Variants in GOLGA3 observed in about 807,000 individuals in gnomAD.
GOLGA3 encodes golgin subfamily A member 3.
In GOLGA3, 75 loss-of-function variants were observed where a neutral mutation model predicts 169.4. The ratio of observed to expected loss-of-function variants is 0.44; its 90% CI spans 0.37 to 0.54. GOLGA3 has a LOEUF of 0.54. Ranked by LOEUF, GOLGA3 falls within the 20% of genes least tolerant of loss-of-function variation. The pLI, the probability that GOLGA3 is intolerant of heterozygous loss-of-function variation, is 0.00. For synonymous variants in GOLGA3, 824 were observed against 822.4 expected (o/e 1.00, Z -0.03); for missense variants, 1,899 against 1,930.0 (o/e 0.98, Z 0.30).
At chr12:132,790,189 T>C (rs1222496044) in intron 12 of GOLGA3, among the ~76,000 whole-genome samples, 1 of 149,842 alleles carries the variant, frequency 6.7e-6, no homozygotes, top group Non-Finnish European at 1.5e-5. Flanking sequence ...AAAAAATTAG[T>C]CGGGCGTGGT....
intron 1 of GOLGA3, among the ~76,000 whole-genome samples, chr12:132,823,211 T>C (rs923993430): frequency 2.6e-5 from 4 of 152,244 alleles, no homozygotes; most frequent in Non-Finnish European, 5.9e-5. Context: ...TCTCTCAGCC[T>C]GCCCTGCCGG....
chr12:132,799,960 T>G (rs999659214), intron 8 of GOLGA3, among the ~76,000 whole-genome samples: 1 of 152,126 alleles, frequency 6.6e-6, no homozygotes, highest in Non-Finnish European at 1.5e-5. Context: ...AGGCTGGTCT[T>G]GAACTCCTGG....
At chr12:132,774,830 G>A (rs1046630962) in intron 22 of GOLGA3, 12 of 484,596 alleles carry the variant, frequency 2.5e-5, no homozygotes, top group Non-Finnish European at 3.2e-5. Context: ...CCTGGGCACA[G>A]CTCCCGGGCC....
intron 16 of GOLGA3, among the ~76,000 whole-genome samples, chr12:132,783,508 T>G (rs12422508): frequency 1.8e-4 from 22 of 121,724 alleles, no homozygotes; most frequent in African/African-American, 3.5e-4. Flanking sequence ...GGCTGGGGAG[T>G]GGGGGGCGCC....
chr12:132,777,188 G>A lies in GOLGA3; in HGVS notation c.3723-98C>T. 1 of 1,347,936 alleles carries A rather than the reference G, an allele frequency of 7.4e-7. No individual in the cohort carries two copies. Among genetic ancestry groups the A allele is most frequent in the South Asian group, 1.4e-5 (1 of 71,806 alleles). 83.5% of individuals were successfully genotyped at this position (1,347,936 alleles called of 1,614,324 possible). ...GCTGCCTGTGGAAGGCGTTCGTCCT[G>A]GCAGGCCCTCTGCTGTGCACTGCGT... is the stretch of plus-strand genomic sequence containing the variant. On this transcript the variant is annotated intron_variant, in intron 19 of 23. Coordinates refer to ENST00000450791, the MANE Select transcript of GOLGA3 (RefSeq NM_001389683.1). This position sits in a 1 kb window ranked among gnomAD's most constrained non-coding sequence, Gnocchi z 4.7.
intron 21 of GOLGA3, among the ~76,000 whole-genome samples, chr12:132,776,415 C>A (rs2045245281): frequency 7.1e-6 from 1 of 140,166 alleles, no homozygotes; most frequent in African/African-American, 2.8e-5. Flanking sequence ...GCTGCTGTAG[C>A]CCCTCCAGCT....
intron 13 of GOLGA3, among the ~76,000 whole-genome samples, chr12:132,788,699 C>G (rs1285827801): frequency 1.3e-5 from 2 of 152,216 alleles, no homozygotes; most frequent in Non-Finnish European, 2.9e-5. Context: ...GCTGTCCTCT[C>G]ACATGCTAGA....
At chr12:132,824,623 G>A (rs535339341) in intron 1 of GOLGA3, among the ~76,000 whole-genome samples, 3 of 152,282 alleles carry the variant, frequency 2.0e-5, no homozygotes, top group Admixed American at 6.5e-5. Context: ...AGAAGTGAAG[G>A]AAGTTACCAA....
At chr12:132,801,615 C>G in intron 8 of GOLGA3, 152 bp downstream of exon 8, 1 of 742,720 alleles carries the variant, frequency 1.3e-6, no homozygotes, top group Non-Finnish European at 2.3e-6. Flanking sequence ...GCATACGACA[C>G]GTCCTACATG....
chr12:132,797,534 G>C (rs936997801), intron 9 of GOLGA3, among the ~76,000 whole-genome samples: 4 of 152,140 alleles, frequency 2.6e-5, no homozygotes, highest in African/African-American at 2.4e-5. Context: ...AACATGGCGA[G>C]ACCCCGTCTC....
At chr12:132,811,476 A>AT (rs202026810) in intron 4 of GOLGA3, among the ~76,000 whole-genome samples, 3,798 of 150,966 alleles carry the variant, frequency 0.025, 131 homozygotes, top group Admixed American at 0.097. Flanking sequence ...TCATACTTGC[A>AT]TTTTTATTTT....
chr12:132,826,478 C>T (rs1364535992), intron 1 of GOLGA3, among the ~76,000 whole-genome samples: 1 of 152,000 alleles, frequency 6.6e-6, no homozygotes, highest in Non-Finnish European at 1.5e-5. Flanking sequence ...CAGGTTCCAC[C>T]GAGAGGGCAC....
Position 132,804,840 on chromosome 12 carries a change from C to T in GOLGA3, c.1473G>A (p.Leu491=), listed in dbSNP as rs2291257. 954 of 1,614,178 alleles carry T rather than the reference C, an allele frequency of 5.9e-4. 19 individuals are homozygous for T. The East Asian group carries it at 0.021, about 36-fold the overall frequency. The part of the protein sequence containing the change: ...ERAMTDLQNM[L]EAKNASLASS... ...ACGCCAGGCTGGCATTTTTTGCCTC[C>T]AGCATGTTCTGCAGGTCAGTCATGG... Residue 491 remains leucine, a synonymous_variant, in exon 7 of 24, where the codon CTG becomes CTA. Transcript: ENST00000450791. This position sits in a 1 kb window ranked among gnomAD's most constrained non-coding sequence, Gnocchi z 4.1.
chr12:132,821,121 AAAT>A (rs1950190177), intron 2 of GOLGA3, among the ~76,000 whole-genome samples: 1 of 150,638 alleles, frequency 6.6e-6, no homozygotes, highest in African/African-American at 2.4e-5. Context: ...AAAAAAAAAA[AAAT>A]GGCTGGGCGC....
Position 132,789,104 on chromosome 12 carries a change from G to C in GOLGA3, c.2734C>G (p.Arg912Gly). 5.0e-6 allele frequency: 8 copies of C among 1,613,214 alleles called. No individual in the cohort carries two copies. Among genetic ancestry groups the C allele is most frequent in the African/African-American group, 1.3e-5 (1 of 75,038 alleles). ...SRLHREVAQV[R>G]QHMADLEGHL... ...CCTTCAAGGTCCGCCATGTGCTGACGGACCTGGGCCACCTCTCTGTGCAGG... is the reference window on the plus strand; with the variant it reads ...CCTTCAAGGTCCGCCATGTGCTGACCGACCTGGGCCACCTCTCTGTGCAGG... The change falls in exon 13 of 24, where the codon CGT becomes GGT. Residue 912 changes from arginine (R) to glycine (G), a missense_variant. Transcript: ENST00000450791.
At chr12:132,805,787 G>T (rs1262043534) in intron 6 of GOLGA3, among the ~76,000 whole-genome samples, 1 of 152,278 alleles carries the variant, frequency 6.6e-6, no homozygotes, top group Non-Finnish European at 1.5e-5. Context: ...CTCCTGCGAG[G>T]ACACTGGAAA....
intron 18 of GOLGA3, 29 bp downstream of exon 18, chr12:132,780,769 C>A (rs375012067): frequency 7.2e-7 from 1 of 1,396,262 alleles, no homozygotes; most frequent in East Asian, 2.3e-5. Context: ...TCCTCTGGAA[C>A]GCCCTGTGAG....
At chr12:132,787,426 G>T (rs1338400550) in intron 13 of GOLGA3, among the ~76,000 whole-genome samples, 1 of 145,300 alleles carries the variant, frequency 6.9e-6, no homozygotes, top group African/African-American at 2.6e-5. Context: ...CAAGGCCTAG[G>T]ACCCCTCCTC....
intron 1 of GOLGA3, among the ~76,000 whole-genome samples, chr12:132,824,498 T>C (rs1421899253): frequency 6.6e-6 from 1 of 152,214 alleles, no homozygotes; most frequent in Non-Finnish European, 1.5e-5. Flanking sequence ...CATTAGTAAC[T>C]ATAAATCTCG....
Sources: allele counts gnomAD v4.1 joint callset (sites outside exome capture counted in the v4.1 genomes callset), GRCh38; gene constraint gnomAD v4.1.1; non-coding constraint Gnocchi (gnomAD v3.1); transcripts MANE v1.5; gene names NCBI Gene and HGNC (gene_info 2026-07-23, HGNC 2026-07-21).